The following NUBPL variants were observed in gnomAD, a reference collection of about 807,000 sequenced individuals.
The protein encoded by NUBPL is NUBP iron-sulfur cluster assembly factor, mitochondrial.
In NUBPL, 31 loss-of-function variants were observed where a neutral mutation model predicts 45.7. That is an observed-to-expected ratio of 0.68 (90% CI 0.51 to 0.92). NUBPL has a LOEUF of 0.92. Among genes scored for constraint, NUBPL ranks in the 40% least tolerant of loss-of-function variants. The probability of loss-of-function intolerance (pLI) is 0.00; values close to 1 mark genes in which losing one functional copy is unlikely to be tolerated. For missense variants in NUBPL, 401 were observed against 398.7 expected (o/e 1.01, Z -0.05); for synonymous variants, 144 against 140.9 (o/e 1.02, Z -0.15).
chr14:31,814,655 T>G (rs1756144070), intron 7 of NUBPL, among the ~76,000 whole-genome samples: 1 of 152,094 alleles, frequency 6.6e-6, no homozygotes, highest in South Asian at 2.1e-4. Context: ...TCTTCTAGGG[T>G]TTTCATGGTT....
intron 3 of NUBPL, among the ~76,000 whole-genome samples, chr14:31,575,366 C>T (rs115704419): frequency 1.5e-4 from 23 of 152,268 alleles, no homozygotes; most frequent in African/African-American, 4.8e-4. Flanking sequence ...GTGTGAGATA[C>T]ATCTGGGCTT....
At chr14:31,715,936 TA>T (rs2037678168) in intron 6 of NUBPL, among the ~76,000 whole-genome samples, 1 of 152,224 alleles carries the variant, frequency 6.6e-6, no homozygotes, top group Non-Finnish European at 1.5e-5. Flanking sequence ...TATACATCTG[TA>T]CGGAAATATT....
intron 6 of NUBPL, among the ~76,000 whole-genome samples, chr14:31,677,662 A>G (rs368632910): frequency 2.0e-5 from 3 of 152,140 alleles, no homozygotes; most frequent in East Asian, 3.9e-4. Flanking sequence ...AACAAACAGA[A>G]TCTCTCTCTG....
intron 7 of NUBPL, among the ~76,000 whole-genome samples, chr14:31,799,874 A>T (rs545139751): frequency 1.3e-5 from 2 of 152,358 alleles, no homozygotes; most frequent in African/African-American, 4.8e-5. Flanking sequence ...CTTTCAGGAA[A>T]GATAGCATGT....
chr14:31,741,812 T>C (rs2038290417), intron 6 of NUBPL, among the ~76,000 whole-genome samples: 3 of 145,408 alleles, frequency 2.1e-5, no homozygotes, highest in Admixed American at 2.0e-4. Flanking sequence ...TGTCTAATTT[T>C]TGGGGCACTG....
intron 4 of NUBPL, among the ~76,000 whole-genome samples, chr14:31,615,528 A>C (rs1444532397): frequency 6.6e-6 from 1 of 151,964 alleles, no homozygotes; most frequent in African/African-American, 2.4e-5. Flanking sequence ...ACTCCCACTT[A>C]TGAGTGAGAA....
At chr14:31,602,833 A>C (rs1439989593) in intron 4 of NUBPL, among the ~76,000 whole-genome samples, 2 of 152,196 alleles carry the variant, frequency 1.3e-5, no homozygotes, top group Non-Finnish European at 2.9e-5. Context: ...TTCTCTGATC[A>C]GATTTCTTGG....
rs139951501 is a variant in NUBPL at position 31,727,058 on chromosome 14, A to G, written c.513+53484A>G. ...TCAGCTCTTGTTGAGTTAGCGAATA[A>G]CCCACCAGAACACACCCATGCTAAT... On this transcript the variant is annotated intron_variant, in intron 6 of 10. Coordinates refer to ENST00000281081, the MANE Select transcript of NUBPL (RefSeq NM_025152.3). 9.9e-4 allele frequency among the ~76,000 whole-genome samples: 150 copies of G among 152,284 alleles called. 1 individual carries two copies. The highest frequency in any genetic ancestry group is 3.4e-3 in the African/African-American group (142 of 41,544).
rs560591908 is a variant in NUBPL, at chr14:31,661,731, G to A, written c.383-11624G>A. ...AATTTTTTGTATTTTTAGTAGAGACGGGGTTTCACCATGTTGGCCAGGATG... is the reference window on the plus strand; with the variant it reads ...AATTTTTTGTATTTTTAGTAGAGACAGGGTTTCACCATGTTGGCCAGGATG... On this transcript the variant is annotated intron_variant, in intron 4 of 10. Coordinates refer to ENST00000281081, the MANE Select transcript of NUBPL (RefSeq NM_025152.3). Among the ~76,000 whole-genome samples the A allele has an allele frequency of 1.6e-4, 25 of 152,110 alleles. No individual in the cohort carries two copies. The East Asian group carries it at 1.9e-3, about 12-fold the overall frequency.
intron 3 of NUBPL, among the ~76,000 whole-genome samples, chr14:31,578,789 G>C (rs542669990): frequency 1.3e-5 from 2 of 152,312 alleles, no homozygotes; most frequent in Non-Finnish European, 2.9e-5. Context: ...GCCACTTAAA[G>C]AGAGCGGGCA....
At chr14:31,719,641 G>C (rs1229121826) in intron 6 of NUBPL, among the ~76,000 whole-genome samples, 1 of 150,812 alleles carries the variant, frequency 6.6e-6, no homozygotes, top group South Asian at 2.1e-4. Context: ...GTGCTTTTAG[G>C]TGCATAGCAT....
chr14:31,782,594 C>T (rs1364493232), intron 6 of NUBPL, among the ~76,000 whole-genome samples: 1 of 152,054 alleles, frequency 6.6e-6, no homozygotes, highest in Admixed American at 6.5e-5. Context: ...AGTTTGAGAC[C>T]AGCCCGGCCA....
intron 6 of NUBPL, among the ~76,000 whole-genome samples, chr14:31,766,236 T>G (rs2038909989): frequency 6.6e-6 from 1 of 152,244 alleles, no homozygotes; most frequent in Non-Finnish European, 1.5e-5. Flanking sequence ...TTTAGAATGA[T>G]AGTTTTTAAC....
intron 3 of NUBPL, among the ~76,000 whole-genome samples, chr14:31,596,431 A>G (rs1011117254): frequency 6.6e-6 from 1 of 152,196 alleles, no homozygotes; most frequent in Non-Finnish European, 1.5e-5. Context: ...TCATCATGAA[A>G]AACTTTGCTC....
Position 31,698,382 on chromosome 14 carries a change from A to G in NUBPL, c.513+24808A>G, listed in dbSNP as rs1415985873. Among the ~76,000 whole-genome samples the G allele has an allele frequency of 2.0e-5, 3 of 150,974 alleles. No individual in the cohort carries two copies. The East Asian group carries it at 5.8e-4, about 29-fold the overall frequency. The stretch of plus-strand genomic sequence containing the variant: ...TTTTTTTTTTTTTAAGTGTTGAAAG[A>G]CTATTTTAAACTGATGGCGGCAGTT... On this transcript the variant is annotated intron_variant, in intron 6 of 10. Coordinates refer to ENST00000281081, the MANE Select transcript of NUBPL (RefSeq NM_025152.3).
At chr14:31,590,817 G>A (rs17390315) in intron 3 of NUBPL, among the ~76,000 whole-genome samples, 61,757 of 151,916 alleles carry the variant, frequency 0.41, 14,191 homozygotes, top group East Asian at 0.59. Context: ...GGTAGAAGGC[G>A]TTCTAATTTT....
chr14:31,566,587 A>G (rs563700706), intron 3 of NUBPL, among the ~76,000 whole-genome samples: 2 of 152,166 alleles, frequency 1.3e-5, no homozygotes, highest in South Asian at 4.1e-4. Context: ...TTTGGTAGGC[A>G]GAACAGTGGC....
intron 7 of NUBPL, among the ~76,000 whole-genome samples, chr14:31,802,897 T>G (rs2039619429): frequency 6.6e-6 from 1 of 152,346 alleles, no homozygotes; most frequent in Non-Finnish European, 1.5e-5. Flanking sequence ...ATTGTAATAT[T>G]TCAGTCATTG....
At chr14:31,708,639 G>C (rs533693818) in intron 6 of NUBPL, among the ~76,000 whole-genome samples, 1 of 152,298 alleles carries the variant, frequency 6.6e-6, no homozygotes, top group East Asian at 1.9e-4. Flanking sequence ...GAGGACAGTC[G>C]TCCAGGACAG....
Sources: gnomAD v4.1 joint callset for allele counts (sites outside exome capture counted in the v4.1 genomes callset) on GRCh38, gnomAD v4.1.1 for gene constraint, MANE v1.5 for transcripts, NCBI Gene and HGNC (gene_info 2026-07-23, HGNC 2026-07-21) for gene names.